ADAMTS19: variants seen among roughly 807,000 people sequenced by gnomAD.
The protein encoded by ADAMTS19 is ADAM metallopeptidase with thrombospondin type 1 motif 19.
In ADAMTS19, 93 loss-of-function variants were observed where a neutral mutation model predicts 153.3. That is an observed-to-expected ratio of 0.61 (90% CI 0.51 to 0.72). The LOEUF is 0.72. Among genes scored for constraint, ADAMTS19 ranks in the 30% least tolerant of loss-of-function variants. The probability of loss-of-function intolerance (pLI) is 0.00; values close to 1 mark genes in which losing one functional copy is unlikely to be tolerated. For missense variants in ADAMTS19, 1,482 were observed against 1,552.1 expected (o/e 0.95, Z 0.76); for synonymous variants, 600 against 556.6 (o/e 1.08, Z -1.10).
At chr5:129,539,657 G>C (rs1186064761) in intron 6 of ADAMTS19, among the ~76,000 whole-genome samples, 1 of 151,974 alleles carries the variant, frequency 6.6e-6, no homozygotes, top group Non-Finnish European at 1.5e-5. Context: ...CTACTTATCT[G>C]TTTATAGAAC....
At chr5:129,526,878 A>G (rs899944701) in intron 4 of ADAMTS19, among the ~76,000 whole-genome samples, 1 of 151,818 alleles carries the variant, frequency 6.6e-6, no homozygotes. Flanking sequence ...ATAGAGGTAT[A>G]CTTTTGGTGA....
chr5:129,527,414 T>C (rs1752050471), intron 4 of ADAMTS19, among the ~76,000 whole-genome samples: 1 of 151,142 alleles, frequency 6.6e-6, no homozygotes, highest in African/African-American at 2.4e-5. Flanking sequence ...TCTGTCCATA[T>C]TCCATTACCT....
At chr5:129,707,805 G>C (rs1024549470) in intron 21 of ADAMTS19, among the ~76,000 whole-genome samples, 2 of 152,162 alleles carry the variant, frequency 1.3e-5, no homozygotes, top group African/African-American at 4.8e-5. Context: ...GTGGACTTCA[G>C]CCTTGGATTT....
At chr5:129,706,577 A>C (rs911681448) in intron 21 of ADAMTS19, among the ~76,000 whole-genome samples, 6 of 152,160 alleles carry the variant, frequency 3.9e-5, no homozygotes, top group Non-Finnish European at 8.8e-5. Flanking sequence ...AAAAAAAAAA[A>C]AATGAAAAAC....
chr5:129,633,303 T>C (rs1168229551), intron 10 of ADAMTS19, among the ~76,000 whole-genome samples: 3 of 152,168 alleles, frequency 2.0e-5, no homozygotes, highest in Non-Finnish European at 4.4e-5. Context: ...GGTATATTCA[T>C]AGAGTCAGTT....
chr5:129,628,473 T>A (rs1332544959), intron 10 of ADAMTS19, among the ~76,000 whole-genome samples: 1 of 151,880 alleles, frequency 6.6e-6, no homozygotes, highest in Non-Finnish European at 1.5e-5. Flanking sequence ...AAAAAAAAAT[T>A]TTTAAAGCTG....
intron 8 of ADAMTS19, among the ~76,000 whole-genome samples, chr5:129,620,098 A>G (rs1266325361): frequency 6.6e-6 from 1 of 152,038 alleles, no homozygotes; most frequent in Non-Finnish European, 1.5e-5. Context: ...GATTCATTAA[A>G]AAAAGACAAA....
At chr5:129,724,602 CACAATAAGT>C (rs1294072283) in intron 21 of ADAMTS19, among the ~76,000 whole-genome samples, 1 of 152,058 alleles carries the variant, frequency 6.6e-6, no homozygotes, top group Non-Finnish European at 1.5e-5. Flanking sequence ...GGGGCAGACA[CACAATAAGT>C]AAGCTTAAGA....
intron 3 of ADAMTS19, among the ~76,000 whole-genome samples, chr5:129,511,356 G>A (rs1396391818): frequency 6.6e-6 from 1 of 151,704 alleles, no homozygotes; most frequent in East Asian, 1.9e-4. Context: ...GTAAAGGAGG[G>A]GAAAGCACAT....
intron 7 of ADAMTS19, among the ~76,000 whole-genome samples, chr5:129,579,266 T>C (rs1331856323): frequency 6.6e-6 from 1 of 152,236 alleles, no homozygotes; most frequent in Non-Finnish European, 1.5e-5. Context: ...GTTCATATCC[T>C]TAGCCCACTT....
At chr5:129,662,472 C>G (rs1167941403) in intron 15 of ADAMTS19, among the ~76,000 whole-genome samples, 1 of 152,186 alleles carries the variant, frequency 6.6e-6, no homozygotes, top group South Asian at 2.1e-4. Context: ...GAAAATCAGT[C>G]TAACCTGTCC....
intron 1 of ADAMTS19, 116 bp from the exon 2 acceptor site, chr5:129,460,986 G>T: frequency 8.0e-7 from 1 of 1,245,056 alleles, no homozygotes; most frequent in Non-Finnish European, 1.0e-6. Context: ...TAGACGGGTG[G>T]TCTCCATTGC....
chr5:129,615,524 C>G (rs933468903), intron 8 of ADAMTS19, among the ~76,000 whole-genome samples: 1 of 152,090 alleles, frequency 6.6e-6, no homozygotes, highest in Admixed American at 6.6e-5. Context: ...TGTCCTCATG[C>G]CCTATGATTC....
chr5:129,631,163 T>C (rs868165018), intron 10 of ADAMTS19, among the ~76,000 whole-genome samples: 1 of 104,380 alleles, frequency 9.6e-6, no homozygotes, highest in Non-Finnish European at 1.9e-5. Flanking sequence ...ATTTTAGGTT[T>C]TTTTTTTTTT....
intron 18 of ADAMTS19, among the ~76,000 whole-genome samples, chr5:129,691,930 C>G (rs1755357146): frequency 6.6e-6 from 1 of 152,036 alleles, no homozygotes; most frequent in African/African-American, 2.4e-5. Context: ...TATAATCAGC[C>G]TTGGGTTATT....
chr5:129,587,724 T>C (rs990520411), intron 7 of ADAMTS19, among the ~76,000 whole-genome samples: 3 of 152,164 alleles, frequency 2.0e-5, no homozygotes, highest in African/African-American at 7.2e-5. Flanking sequence ...TTCTCCAGTT[T>C]TGTTACTCCG....
Position 129,474,943 on chromosome 5 carries a change from C to G in ADAMTS19, c.747+13186C>G, listed in dbSNP as rs190006784. Among the ~76,000 whole-genome samples, 3 of 152,132 alleles carry G rather than the reference C, an allele frequency of 2.0e-5. No homozygotes were observed. The East Asian group carries it at 5.8e-4, about 29-fold the overall frequency. ...TGCCAACTTGTTAATTAGTTTTTTT[C>G]TACTATTTAGTTTTAAGAGTTCTTT... On this transcript the variant is annotated intron_variant, in intron 2 of 22. Transcript: ENST00000274487.
intron 7 of ADAMTS19, among the ~76,000 whole-genome samples, chr5:129,577,905 T>G (rs1441289559): frequency 6.6e-6 from 1 of 152,006 alleles, no homozygotes; most frequent in Non-Finnish European, 1.5e-5. Context: ...GTTCATGTTT[T>G]TGCCAACTTT....
chr5:129,479,689 G>C (rs1187709805), intron 2 of ADAMTS19, among the ~76,000 whole-genome samples: 1 of 151,986 alleles, frequency 6.6e-6, no homozygotes, highest in East Asian at 1.9e-4. Flanking sequence ...AATTTTATAA[G>C]CACATTTACA....
Sources: gnomAD v4.1 joint callset for allele counts (sites outside exome capture counted in the v4.1 genomes callset) on GRCh38, gnomAD v4.1.1 for gene constraint, MANE v1.5 for transcripts, NCBI Gene and HGNC (gene_info 2026-07-23, HGNC 2026-07-21) for gene names.